CALN1: variants seen among roughly 807,000 people sequenced by gnomAD.
CALN1 encodes the protein calcium-binding protein 8.
A neutral mutation model predicts 30.6 loss-of-function variants in CALN1; 17 were observed. The observed-to-expected ratio is 0.56, with a 90% confidence interval of 0.38 to 0.83. CALN1 has a LOEUF of 0.83. CALN1 is among the 40% of genes least tolerant of loss of function. The pLI is 0.00. For missense variants in CALN1, 291 were observed against 354.9 expected, an observed-to-expected ratio of 0.82 and a Z score of 1.45; for synonymous variants, 156 against 131.4, an observed-to-expected ratio of 1.19 and a Z score of -1.28.
intron 4 of CALN1, among the ~76,000 whole-genome samples, chr7:72,052,368 A>G (rs1004081742): frequency 6.6e-6 from 1 of 152,116 alleles, no homozygotes; most frequent in Non-Finnish European, 1.5e-5. Context: ...GGTAGAGAGA[A>G]GATACGGAGG....
At chr7:72,027,990 C>T (rs1320295455) in intron 4 of CALN1, among the ~76,000 whole-genome samples, 2 of 134,144 alleles carry the variant, frequency 1.5e-5, no homozygotes, top group Non-Finnish European at 3.1e-5. Flanking sequence ...ACCCGGGAGG[C>T]GGAGCTTGCA....
intron 4 of CALN1, among the ~76,000 whole-genome samples, chr7:72,069,689 T>C (rs556417193): frequency 1.3e-5 from 2 of 152,238 alleles, no homozygotes; most frequent in African/African-American, 2.4e-5. Context: ...TTAAAAAGGA[T>C]TGCAAAGACC....
intron 5 of CALN1, among the ~76,000 whole-genome samples, chr7:71,828,960 G>A (rs1470931818): frequency 6.6e-6 from 1 of 151,932 alleles, no homozygotes; most frequent in Non-Finnish European, 1.5e-5. Flanking sequence ...TGTTGGCCAG[G>A]CTGGTCTCGA....
chr7:72,455,916 T>A, the CALN1 span, among the ~76,000 whole-genome samples: 4 of 152,156 alleles, frequency 2.6e-5, no homozygotes, highest in South Asian at 4.2e-4. Flanking sequence ...CTTAACATGG[T>A]GAGTTCACGC....
At position 71,784,885 on chromosome 7, in the gene CALN1, T is replaced by G; in HGVS notation, c.*2890A>C. The G allele has an allele frequency of 2.5e-6, 1 of 398,690 alleles. No individual in the cohort carries two copies. The allele number at this position is 398,690 out of a possible 1,614,324, so 24.7% of individuals were successfully genotyped here. On this transcript the variant is annotated 3_prime_UTR_variant, in exon 7 of 7. Coordinates refer to ENST00000395275, the MANE Select transcript of CALN1 (RefSeq NM_031468.4). ...GCCGTGAGCTTCATAGCCACCATGA[T>G]GGGGACACTGACTGGCATGGGGCCC...
At chr7:71,935,669 C>T (rs561831584) in intron 5 of CALN1, among the ~76,000 whole-genome samples, 166 of 152,232 alleles carry the variant, frequency 1.1e-3, no homozygotes, top group Admixed American at 4.3e-3. Flanking sequence ...TTGCGGTGAG[C>T]GGAGATCGCA....
chr7:72,310,875 C>T (rs1273200142), intron 2 of CALN1, among the ~76,000 whole-genome samples: 3 of 142,198 alleles, frequency 2.1e-5, no homozygotes, highest in Non-Finnish European at 4.5e-5. Flanking sequence ...TGCACTCTGT[C>T]GCCAGCCTGG....
At chr7:72,322,188 G>C (rs1238891408) in intron 2 of CALN1, among the ~76,000 whole-genome samples, 4 of 152,176 alleles carry the variant, frequency 2.6e-5, no homozygotes, top group Non-Finnish European at 5.9e-5. Flanking sequence ...CTGGGAGATA[G>C]TGACAGATCA....
intron 5 of CALN1, among the ~76,000 whole-genome samples, chr7:71,928,670 C>T (rs1053480749): frequency 6.6e-6 from 1 of 152,068 alleles, no homozygotes; most frequent in South Asian, 2.1e-4. Context: ...TGTAGAGTCA[C>T]AGAGTTATGC....
chr7:71,825,355 C>A (rs939664552), intron 5 of CALN1, among the ~76,000 whole-genome samples: 1 of 152,152 alleles, frequency 6.6e-6, no homozygotes, highest in Non-Finnish European at 1.5e-5. Flanking sequence ...GTGAATAAGT[C>A]TCATGAGATC....
chr7:72,418,204 G>A (rs1807485535), intron 1 of CALN1, among the ~76,000 whole-genome samples: 1 of 151,144 alleles, frequency 6.6e-6, no homozygotes, highest in South Asian at 2.1e-4. Context: ...ACTTACAAGT[G>A]AGAACATGCA....
intron 1 of CALN1, among the ~76,000 whole-genome samples, chr7:72,411,506 C>T (rs537773320): frequency 4.1e-4 from 63 of 152,080 alleles, no homozygotes; most frequent in Non-Finnish European, 8.2e-4. Context: ...TTATTTTTGT[C>T]TTTAAAAAAA....
chr7:72,114,613 G>A (rs1371141731), intron 3 of CALN1, among the ~76,000 whole-genome samples: 1 of 152,116 alleles, frequency 6.6e-6, no homozygotes, highest in Non-Finnish European at 1.5e-5. Context: ...CTATCAGTCT[G>A]CAAATAATGA....
intron 3 of CALN1, among the ~76,000 whole-genome samples, chr7:72,233,193 GAA>G (rs200734987): frequency 2.5e-5 from 3 of 117,822 alleles, no homozygotes; most frequent in South Asian, 3.0e-4. Context: ...CTGTAAAAAG[GAA>G]AAAAAAAAAA....
intron 2 of CALN1, among the ~76,000 whole-genome samples, chr7:72,320,076 G>A (rs1276908324): frequency 2.0e-5 from 3 of 151,920 alleles, no homozygotes; most frequent in Admixed American, 6.6e-5. Flanking sequence ...AGCTGAGATC[G>A]TGCCGTTACA....
At chr7:72,455,111 G>A in the CALN1 span, among the ~76,000 whole-genome samples, 2 of 152,038 alleles carry the variant, frequency 1.3e-5, no homozygotes, top group Non-Finnish European at 2.9e-5. Context: ...GATTATAGGT[G>A]TGAGCCACCG....
intron 5 of CALN1, among the ~76,000 whole-genome samples, chr7:71,992,222 A>G (rs1014802997): frequency 2.0e-5 from 3 of 152,376 alleles, no homozygotes; most frequent in African/African-American, 7.2e-5. Flanking sequence ...AATGAAAACA[A>G]GCTGCATAGA....
chr7:71,847,719 G>GAAGA (rs71092924), intron 5 of CALN1, among the ~76,000 whole-genome samples: 5,860 of 119,676 alleles, frequency 0.049, 458 homozygotes, highest in African/African-American at 0.17. Flanking sequence ...AAAGAAGAAA[G>GAAGA]AAGAAGAAAG....
rs1029343083 is a variant in CALN1, at chr7:72,186,260, A to G, written c.245-79966T>C. 3.3e-5 allele frequency among the ~76,000 whole-genome samples: 5 copies of G among 152,114 alleles called. No homozygotes were observed. The South Asian group carries it at 1.0e-3, about 32-fold the overall frequency. On this transcript the variant is annotated intron_variant, in intron 3 of 6. Transcript: ENST00000395275. ...AATTCCTGTTATTTTAAGCCGCTCA[A>G]ATGGTGACTGTAGTTACAGCAGCAA...
Sources: gnomAD v4.1 joint callset for allele counts (sites outside exome capture counted in the v4.1 genomes callset) on GRCh38, gnomAD v4.1.1 for gene constraint, MANE v1.5 for transcripts, NCBI Gene and HGNC (gene_info 2026-07-23, HGNC 2026-07-21) for gene names.